Variants in ECPAS observed in about 807,000 individuals in gnomAD.
ECPAS encodes the protein proteasome adapter and scaffold protein ECM29.
A neutral mutation model predicts 255.1 loss-of-function variants in ECPAS; 70 were observed. The observed-to-expected ratio is 0.27, with a 90% CI of 0.23 to 0.33. The LOEUF (loss-of-function observed/expected upper bound fraction) is 0.33. ECPAS is among the 10% of genes least tolerant of loss of function. The pLI, the probability that ECPAS is intolerant of heterozygous loss-of-function variation, is 1.00. For missense variants in ECPAS, 1,817 were observed against 2,206.4 expected, an observed-to-expected ratio of 0.82 and a Z score of 3.54; for synonymous variants, 784 against 775.0, an observed-to-expected ratio of 1.01 and a Z score of -0.19.
At chr9:111,430,170 C>T (rs1420419523) in intron 9 of ECPAS, among the ~76,000 whole-genome samples, 1 of 152,130 alleles carries the variant, frequency 6.6e-6, no homozygotes, top group African/African-American at 2.4e-5. Context: ...ACATCAGTAT[C>T]CACAATGTTT....
rs191918825 is a variant in ECPAS at position 111,429,492 on chromosome 9, A to G, written c.930+1055T>C. Among the ~76,000 whole-genome samples the G allele has an allele frequency of 4.3e-3, 653 of 152,286 alleles. 6 individuals carry two copies. The highest frequency in any genetic ancestry group is 6.6e-3 in the Non-Finnish European group (446 of 68,012). ...ACCACACTGTGAGAACCACTAATCTAATCCAACCCCTTCATTTTCTACATG... is the reference window on the plus strand; with the variant it reads ...ACCACACTGTGAGAACCACTAATCTGATCCAACCCCTTCATTTTCTACATG... On this transcript the variant is annotated intron_variant, in intron 9 of 49. Coordinates refer to ENST00000684092, the MANE Select transcript of ECPAS (RefSeq NM_001364929.1).
At chr9:111,428,940 A>AT (rs935656493) in intron 9 of ECPAS, among the ~76,000 whole-genome samples, 19 of 151,878 alleles carry the variant, frequency 1.3e-4, no homozygotes, top group Non-Finnish European at 2.6e-4. Flanking sequence ...TCATACATAC[A>AT]TTTTTTTTCA....
intron 24 of ECPAS, among the ~76,000 whole-genome samples, chr9:111,405,896 A>G (rs1251830946): frequency 6.7e-6 from 1 of 149,606 alleles, no homozygotes; most frequent in East Asian, 2.0e-4. Context: ...ACAACAGCTG[A>G]TAGTCAGAAT....
At chr9:111,399,579 A>G (rs1172962359) in intron 24 of ECPAS, among the ~76,000 whole-genome samples, 2 of 152,250 alleles carry the variant, frequency 1.3e-5, no homozygotes, top group East Asian at 3.8e-4. Context: ...CTTCACTGAG[A>G]GGAACCCAAG....
At chr9:111,451,375 ATATTCATT>A in intron 3 of ECPAS, 42 bp downstream of exon 3, 2 of 1,514,416 alleles carry the variant, frequency 1.3e-6, no homozygotes, top group Non-Finnish European at 1.8e-6. Context: ...TTGATAATGT[ATATTCATT>A]TATTCATCAT....
intron 2 of ECPAS, among the ~76,000 whole-genome samples, chr9:111,465,600 AATAT>A (rs60965961): frequency 1.1e-4 from 17 of 148,968 alleles, no homozygotes; most frequent in African/African-American, 2.9e-4. Flanking sequence ...TTTTTAAAAG[AATAT>A]ATATATATAT....
chr9:111,366,302 C>A lies in ECPAS; in HGVS notation c.5245G>T (p.Ala1749Ser). The A allele has an allele frequency of 6.3e-7, 1 of 1,577,298 alleles. No homozygotes were observed. Among genetic ancestry groups the A allele is most frequent in the Non-Finnish European group, 8.6e-7 (1 of 1,160,002 alleles). The part of the protein sequence containing the change: ...QGLMLLEEEH[A>S]DPEALAEILL... ...ATTTCAGCCAAAGCCTCAGGATCGG[C>A]ATGTTCTTCTTCCAAAAGCATTAAC... is the stretch of plus-strand genomic sequence containing the variant. The change falls in exon 48 of 50, where the codon GCC (alanine) becomes TCC (serine). Residue 1749 changes from alanine to serine, a missense_variant. This residue lies in a region of ECPAS where 960 missense variants were observed against 1,179.0 expected (regional missense o/e 0.81). Coordinates refer to ENST00000684092, the MANE Select transcript of ECPAS (RefSeq NM_001364929.1).
chr9:111,430,344 T>C (rs1487234966), intron 9 of ECPAS, among the ~76,000 whole-genome samples: 1 of 152,232 alleles, frequency 6.6e-6, no homozygotes, highest in African/African-American at 2.4e-5. Flanking sequence ...GTCATTGTTA[T>C]TTAGGAATCT....
intron 31 of ECPAS, among the ~76,000 whole-genome samples, chr9:111,388,151 G>T (rs961837683): frequency 6.6e-6 from 1 of 151,834 alleles, no homozygotes; most frequent in Admixed American, 6.6e-5. Flanking sequence ...GAAAGGTTTT[G>T]TTATCCTTAC....
intron 1 of ECPAS, among the ~76,000 whole-genome samples, chr9:111,473,948 CAG>C (rs762835116): frequency 1.3e-5 from 2 of 151,930 alleles, no homozygotes; most frequent in African/African-American, 4.8e-5. Context: ...GCCTGGGTGA[CAG>C]AGAGAGACCC....
In ECPAS at chr9:111,363,431, T is replaced by C. The variant is rs541071843; in HGVS notation, c.5380+157A>G. ...AATTTAAATATTTAGTAAAATTTAA[T>C]AGTTTTGGCTTTGTCCATTCTTCTT... On this transcript the variant is annotated intron_variant, in intron 49 of 49. Transcript: ENST00000684092. Among the ~76,000 whole-genome samples, 29 of 152,294 alleles carry C rather than the reference T, an allele frequency of 1.9e-4. No homozygotes were observed. In the East Asian group the frequency reaches 4.0e-3, roughly 21 times the overall value.
chr9:111,414,612 C>G lies in ECPAS; in HGVS notation c.1804G>C (p.Gly602Arg), dbSNP rs1237221206. 1 of 1,613,848 alleles carries G rather than the reference C, an allele frequency of 6.2e-7. No homozygotes were observed. The highest frequency in any genetic ancestry group is 1.7e-5 in the Admixed American group (1 of 60,026). Reference protein sequence around the residue: ...YLRMCLAHSAGVVPTSQSLAD... With the variant: ...YLRMCLAHSARVVPTSQSLAD... ...AAACTCTGAGAGGTGGGCACCACCCCCGCACTGTGCGCAAGGCACATGCGC... is the reference window on the plus strand; with the variant it reads ...AAACTCTGAGAGGTGGGCACCACCCGCGCACTGTGCGCAAGGCACATGCGC... Residue 602 changes from glycine (G) to arginine (R), a missense_variant, in exon 19 of 50, where the codon GGG (glycine) becomes CGG (arginine). By Grantham distance (125) the Gly-to-Arg change is moderately radical. This residue lies in a region of ECPAS where 573 missense variants were observed against 716.2 expected (regional missense o/e 0.80). Transcript: ENST00000684092.
At chr9:111,407,733 T>C (rs575557239) in intron 24 of ECPAS, among the ~76,000 whole-genome samples, 47 of 152,250 alleles carry the variant, frequency 3.1e-4, no homozygotes, top group Admixed American at 1.1e-3. Context: ...AATTACACCT[T>C]CCTTTGTGAT....
intron 35 of ECPAS, among the ~76,000 whole-genome samples, chr9:111,378,996 AATTTAT>A (rs36231194): frequency 0.018 from 2,803 of 152,282 alleles, 83 homozygotes; most frequent in African/African-American, 0.063. Flanking sequence ...TTATAGTAGG[AATTTAT>A]ATTTATAGTG....
chr9:111,455,040 C>A (rs1413919572), intron 2 of ECPAS, among the ~76,000 whole-genome samples: 1 of 152,090 alleles, frequency 6.6e-6, no homozygotes, highest in Non-Finnish European at 1.5e-5. Context: ...CGGCCTAAGT[C>A]TTTTGAGTAT....
chr9:111,399,932 C>G (rs1589146614), intron 24 of ECPAS, among the ~76,000 whole-genome samples: 1 of 152,382 alleles, frequency 6.6e-6, no homozygotes, highest in Middle Eastern at 3.4e-3. Context: ...CTTGGGTGAG[C>G]CCTGGTACTG....
intron 24 of ECPAS, 139 bp from the exon 25 acceptor site, chr9:111,397,292 T>A: frequency 1.1e-6 from 1 of 943,430 alleles, no homozygotes; most frequent in Non-Finnish European, 1.6e-6. Context: ...TTCGGCTAAT[T>A]CAATGGCTCA....
intron 1 of ECPAS, among the ~76,000 whole-genome samples, chr9:111,474,019 T>C (rs1251732160): frequency 6.6e-6 from 1 of 152,196 alleles, no homozygotes; most frequent in Non-Finnish European, 1.5e-5. Context: ...TATCTCATTT[T>C]ACAGATGAGA....
At position 111,451,415 on chromosome 9, in the gene ECPAS, A is replaced by G. The variant is rs1383302706; in HGVS notation, c.153+10T>C. 1.3e-6 allele frequency: 2 copies of G among 1,564,726 alleles called. No individual in the cohort carries two copies. The highest frequency in any genetic ancestry group is 1.2e-5 in the South Asian group (1 of 84,132). On this transcript the variant is annotated intron_variant, in intron 3 of 49. Coordinates refer to ENST00000684092, the MANE Select transcript of ECPAS (RefSeq NM_001364929.1). ...TCATTTAATTCCCCCAGCTGTCCCA[A>G]CATGCTTACCTTTTTACGTACTCCT...
Sources: gnomAD v4.1 joint callset for allele counts (sites outside exome capture counted in the v4.1 genomes callset) on GRCh38, gnomAD v4.1.1 for gene constraint, gnomAD v4.1.1 regional missense constraint, MANE v1.5 for transcripts, NCBI Gene and HGNC (gene_info 2026-07-23, HGNC 2026-07-21) for gene names.